CABCOCO1: variants seen among roughly 807,000 people sequenced by gnomAD.
The protein encoded by CABCOCO1 is ciliary associated calcium binding coiled-coil 1, also known as ciliary-associated calcium-binding coiled-coil protein 1.
A neutral mutation model predicts 35.7 loss-of-function variants in CABCOCO1; 28 were observed. The ratio of observed to expected loss-of-function variants is 0.78; its 90% CI spans 0.58 to 1.07. The LOEUF is 1.07. Ranked by LOEUF, CABCOCO1 falls within the 50% of genes least tolerant of loss-of-function variation. The probability of loss-of-function intolerance (pLI) is 0.00; values close to 1 mark genes in which losing one functional copy is unlikely to be tolerated. For synonymous variants in CABCOCO1, 95 were observed against 100.1 expected (o/e 0.95, Z 0.30); for missense variants, 326 against 309.2 (o/e 1.05, Z -0.41).
chr10:61,678,487 A>G (rs1442946695), intron 2 of CABCOCO1, among the ~76,000 whole-genome samples: 1 of 152,168 alleles, frequency 6.6e-6, no homozygotes, highest in African/African-American at 2.4e-5. Flanking sequence ...GTATAGTGAC[A>G]TGCAACATAA....
At position 61,760,237 on chromosome 10, in the gene CABCOCO1, G is replaced by A. The variant is rs920205493; in HGVS notation, c.675+56G>A. ...TACCTCATCATTATATTCTCTTGGG[G>A]TGGGAGGAAACGAACTAAATGTTTT... On this transcript the variant is annotated intron_variant, in intron 6 of 7. Transcript: ENST00000648843. 9.0e-6 allele frequency: 14 copies of A among 1,559,824 alleles called. No individual in the cohort carries two copies. The African/African-American group carries it at 1.1e-4, about 12-fold the overall frequency.
At chr10:61,765,051 C>G (rs1300131976) in intron 7 of CABCOCO1, among the ~76,000 whole-genome samples, 1 of 152,090 alleles carries the variant, frequency 6.6e-6, no homozygotes, top group Non-Finnish European at 1.5e-5. Context: ...CTGAAGCCCT[C>G]AAATAATGTT....
At chr10:61,749,382 G>GC (rs1282907060) in intron 5 of CABCOCO1, among the ~76,000 whole-genome samples, 1 of 152,188 alleles carries the variant, frequency 6.6e-6, no homozygotes, top group Non-Finnish European at 1.5e-5. Context: ...GCAAACTGAT[G>GC]CCCCTACGCT....
chr10:61,679,063 G>C (rs1246716134), intron 2 of CABCOCO1, among the ~76,000 whole-genome samples: 1 of 151,858 alleles, frequency 6.6e-6, no homozygotes, highest in East Asian at 1.9e-4. Flanking sequence ...TTCCATTTTT[G>C]AAGACAGCAG....
intron 5 of CABCOCO1, among the ~76,000 whole-genome samples, chr10:61,742,162 T>C (rs751642840): frequency 1.3e-5 from 2 of 152,052 alleles, no homozygotes; most frequent in Non-Finnish European, 2.9e-5. Flanking sequence ...GAATTAAGAA[T>C]GCCTTCCAGG....
At chr10:61,725,789 T>C (rs1841134032) in intron 5 of CABCOCO1, among the ~76,000 whole-genome samples, 2 of 152,042 alleles carry the variant, frequency 1.3e-5, no homozygotes, top group Non-Finnish European at 2.9e-5. Context: ...AATAAAAATA[T>C]ACTTCTGCAT....
At chr10:61,680,683 ACATGTATAAC>A (rs1839745061) in intron 2 of CABCOCO1, among the ~76,000 whole-genome samples, 4 of 94,794 alleles carry the variant, frequency 4.2e-5, no homozygotes, top group Non-Finnish European at 8.3e-5. Context: ...TATATGTTAT[ACATGTATAAC>A]ATATATATGT....
rs1840132368 is a variant in CABCOCO1 at position 61,691,298 on chromosome 10, T to C, written c.552+677T>C. ...ACAAGGATATCTGCTGCTTTTCTACTACAGCATATAGTATAATGTAGGATA... is the reference window on the plus strand; with the variant it reads ...ACAAGGATATCTGCTGCTTTTCTACCACAGCATATAGTATAATGTAGGATA... On this transcript the variant is annotated intron_variant, in intron 5 of 7. Transcript: ENST00000648843. 6.6e-5 allele frequency among the ~76,000 whole-genome samples: 10 copies of C among 152,164 alleles called. No homozygotes were observed. The South Asian group carries it at 1.5e-3, about 22-fold the overall frequency.
At chr10:61,726,827 G>C (rs1045094286) in intron 5 of CABCOCO1, among the ~76,000 whole-genome samples, 1 of 151,422 alleles carries the variant, frequency 6.6e-6, no homozygotes, top group Non-Finnish European at 1.5e-5. Flanking sequence ...GGAGGCGAGC[G>C]GGGGTGGATC....
At chr10:61,685,929 C>T (rs937394264) in intron 3 of CABCOCO1, 112 bp from the exon 4 acceptor site, 5 of 890,608 alleles carry the variant, frequency 5.6e-6, no homozygotes, top group Middle Eastern at 3.1e-4. Flanking sequence ...ACCATTTATC[C>T]TCACAAATAC....
At chr10:61,691,482 T>A (rs1225001935) in intron 5 of CABCOCO1, among the ~76,000 whole-genome samples, 1 of 152,170 alleles carries the variant, frequency 6.6e-6, no homozygotes, top group Non-Finnish European at 1.5e-5. Context: ...ATGTTTTTAC[T>A]TTATTTTGTT....
chr10:61,672,536 G>A (rs995884554), intron 1 of CABCOCO1, among the ~76,000 whole-genome samples, 96 bp from the exon 2 acceptor site: 1 of 152,156 alleles, frequency 6.6e-6, no homozygotes, highest in Admixed American at 6.5e-5. Context: ...TTTCCTGACA[G>A]CAACTAGACT....
chr10:61,680,717 C>CATATATATGTTATACATGTATAACATA (rs1839759498), intron 2 of CABCOCO1, among the ~76,000 whole-genome samples: 1 of 91,280 alleles, frequency 1.1e-5, no homozygotes, highest in Non-Finnish European at 2.1e-5. Flanking sequence ...ACATGTATAA[C>CATATATATGTTATACATGTATAACATA]ATATATATTA....
chr10:61,713,904 C>T (rs1345990440), intron 5 of CABCOCO1, among the ~76,000 whole-genome samples: 2 of 152,066 alleles, frequency 1.3e-5, no homozygotes, highest in Admixed American at 6.6e-5. Flanking sequence ...CTGCTGGATT[C>T]GGTTTGCCAG....
rs187457145 is a variant in CABCOCO1, at chr10:61,689,403, G to T, written c.480-1146G>T. On this transcript the variant is annotated intron_variant, in intron 4 of 7. Coordinates refer to ENST00000648843, the MANE Select transcript of CABCOCO1 (RefSeq NM_001366906.2). Reference sequence around the variant, plus strand: ...TTTTCTGAATGTTGATGAGTAATTTGAATGTACAAGAGGTTTTTTTCCCCC... The same window carrying T: ...TTTTCTGAATGTTGATGAGTAATTTTAATGTACAAGAGGTTTTTTTCCCCC... Among the ~76,000 whole-genome samples, 21 of 152,222 alleles carry T rather than the reference G, an allele frequency of 1.4e-4. No homozygotes were observed. The East Asian group carries it at 2.3e-3, about 17-fold the overall frequency.
intron 5 of CABCOCO1, among the ~76,000 whole-genome samples, chr10:61,737,892 A>C (rs1485677149): frequency 1.3e-5 from 2 of 152,080 alleles, no homozygotes; most frequent in African/African-American, 4.8e-5. Context: ...TAATATGTAC[A>C]ACAAACCCCT....
chr10:61,741,573 CCAA>C (rs1365394204), intron 5 of CABCOCO1, among the ~76,000 whole-genome samples: 4 of 121,726 alleles, frequency 3.3e-5, no homozygotes, highest in Non-Finnish European at 6.2e-5. Flanking sequence ...TATGATGTTA[CCAA>C]TAATAAGTTG....
At chr10:61,742,404 C>A (rs1238051929) in intron 5 of CABCOCO1, among the ~76,000 whole-genome samples, 7 of 151,968 alleles carry the variant, frequency 4.6e-5, no homozygotes, top group Non-Finnish European at 8.8e-5. Context: ...GTTGCACGAA[C>A]TATATGCAAG....
At chr10:61,672,355 C>G (rs1839385848) in intron 1 of CABCOCO1, among the ~76,000 whole-genome samples, 2 of 152,144 alleles carry the variant, frequency 1.3e-5, no homozygotes, top group African/African-American at 4.8e-5. Flanking sequence ...GCCCCAGATT[C>G]AATGAGGAAT....
Sources: allele counts gnomAD v4.1 joint callset (sites outside exome capture counted in the v4.1 genomes callset), GRCh38; gene constraint gnomAD v4.1.1; transcripts MANE v1.5; gene names NCBI Gene and HGNC (gene_info 2026-07-23, HGNC 2026-07-21).